The following FRK variants were observed in gnomAD, a reference collection of about 807,000 sequenced individuals.
The protein encoded by FRK is fyn related Src family tyrosine kinase, also known as tyrosine-protein kinase FRK.
In FRK, 51 loss-of-function variants were observed where a neutral mutation model predicts 56.4. That is an observed-to-expected ratio of 0.90 (90% CI 0.72 to 1.14). The LOEUF (loss-of-function observed/expected upper bound fraction) is 1.14, where lower values mean the gene tolerates loss of function less well. Ranked by LOEUF, FRK falls within the 50% of genes most tolerant of loss-of-function variation. The pLI is 0.00. For missense variants in FRK, 570 were observed against 601.4 expected (o/e 0.95, Z 0.55); for synonymous variants, 245 against 217.9 (o/e 1.12, Z -1.10).
At position 116,038,888 on chromosome 6, in the gene FRK, A is replaced by G. The variant is rs892971663; in HGVS notation, c.344+21080T>C. On this transcript the variant is annotated intron_variant, in intron 1 of 7. Coordinates refer to ENST00000606080, the MANE Select transcript of FRK (RefSeq NM_002031.3). The stretch of plus-strand genomic sequence containing the variant: ...CACTGAGGTGGTTTGCACTCTCCCC[A>G]CTGCCTATACCGACTTTGCCCCAGA... 1.2e-3 allele frequency: 667 copies of G among 577,418 alleles called. 3 individuals are homozygous for G. The highest frequency in any genetic ancestry group is 1.9e-3 in the Non-Finnish European group (543 of 293,138). 35.8% of individuals were successfully genotyped at this position (577,418 alleles called of 1,614,324 possible). A position where few individuals can be genotyped will look rare whatever the true frequency, so the allele number is the denominator to read the frequency against.
chr6:116,062,194 A>T (rs1283256860), upstream of FRK, among the ~76,000 whole-genome samples: 1 of 152,110 alleles, frequency 6.6e-6, no homozygotes, highest in African/African-American at 2.4e-5. Context: ...TACAAATAAC[A>T]AGTTGACAGA....
chr6:115,973,719 A>T (rs1229021453), intron 2 of FRK, among the ~76,000 whole-genome samples: 7 of 152,050 alleles, frequency 4.6e-5, no homozygotes, highest in Non-Finnish European at 8.8e-5. Context: ...AAAATAGAAA[A>T]AATTAGCCGG....
At chr6:116,041,689 T>C (rs947585505) in intron 1 of FRK, among the ~76,000 whole-genome samples, 22 of 152,158 alleles carry the variant, frequency 1.4e-4, no homozygotes, top group African/African-American at 5.3e-4. Flanking sequence ...TAAGGGACTA[T>C]GCCGTGAGGA....
chr6:116,011,702 C>T (rs893709017), intron 1 of FRK, among the ~76,000 whole-genome samples: 7 of 152,130 alleles, frequency 4.6e-5, no homozygotes, highest in African/African-American at 1.4e-4. Flanking sequence ...GGCAAAACAC[C>T]TTCAATTTGC....
chr6:116,100,231 C>G, the FRK span, among the ~76,000 whole-genome samples: 1 of 152,172 alleles, frequency 6.6e-6, no homozygotes, highest in Non-Finnish European at 1.5e-5. Context: ...CAAGTATCAT[C>G]TTGCAAAATG....
intron 2 of FRK, among the ~76,000 whole-genome samples, chr6:115,979,726 G>T (rs2114632949): frequency 6.6e-6 from 1 of 152,196 alleles, no homozygotes; most frequent in South Asian, 2.1e-4. Context: ...AAACCATGTT[G>T]TTACTGTGTC....
intron 1 of FRK, among the ~76,000 whole-genome samples, chr6:116,042,546 G>T (rs1776762736): frequency 6.6e-6 from 1 of 152,176 alleles, no homozygotes; most frequent in Admixed American, 6.5e-5. Context: ...GAGAGATTTT[G>T]TCATCACCAG....
intron 1 of FRK, among the ~76,000 whole-genome samples, chr6:116,022,024 T>TA (rs575465312): frequency 4.6e-5 from 7 of 151,620 alleles, no homozygotes; most frequent in Admixed American, 2.0e-4. Context: ...ATTAAATTAA[T>TA]AAAAAAAATG....
chr6:116,017,131 G>T (rs1054463671), intron 1 of FRK, among the ~76,000 whole-genome samples: 27 of 152,030 alleles, frequency 1.8e-4, no homozygotes, highest in African/African-American at 6.5e-4. Context: ...AACTGTTGTG[G>T]AAAAAGGCAG....
chr6:115,990,663 G>C (rs1207359599), intron 2 of FRK, among the ~76,000 whole-genome samples: 3 of 151,536 alleles, frequency 2.0e-5, no homozygotes, highest in Non-Finnish European at 4.4e-5. Flanking sequence ...CCATTCTGTT[G>C]TACTTATTAT....
intron 1 of FRK, among the ~76,000 whole-genome samples, chr6:116,058,594 T>C (rs1777484039): frequency 1.3e-5 from 2 of 152,118 alleles, no homozygotes; most frequent in South Asian, 4.1e-4. Context: ...ATGGTTTCCC[T>C]ATTAAGAAAC....
chr6:116,053,109 A>C (rs1346717297), intron 1 of FRK, among the ~76,000 whole-genome samples: 1 of 152,104 alleles, frequency 6.6e-6, no homozygotes, highest in East Asian at 1.9e-4. Flanking sequence ...ATTCAAATCT[A>C]GATCATCTGA....
chr6:116,076,872 T>G, the FRK span, among the ~76,000 whole-genome samples: 6 of 152,216 alleles, frequency 3.9e-5, 1 homozygote, highest in South Asian at 1.2e-3. Context: ...AATCTGAACT[T>G]GTCCAAGAAA....
the FRK span, among the ~76,000 whole-genome samples, chr6:116,067,363 CTATTTT>C: frequency 2.0e-5 from 3 of 152,004 alleles, no homozygotes; most frequent in Admixed American, 2.0e-4. Flanking sequence ...CAGCATGTCA[CTATTTT>C]TATTTTTATT....
chr6:116,078,521 T>A, the FRK span, among the ~76,000 whole-genome samples: 1 of 152,198 alleles, frequency 6.6e-6, no homozygotes, highest in Non-Finnish European at 1.5e-5. Context: ...TCAGGGGTAG[T>A]GTTAGTTGTT....
At chr6:116,067,612 AAAT>A in the FRK span, among the ~76,000 whole-genome samples, 1 of 152,208 alleles carries the variant, frequency 6.6e-6, no homozygotes, top group Non-Finnish European at 1.5e-5. Context: ...TTTATTGATA[AAAT>A]AATATCACTA....
the FRK span, among the ~76,000 whole-genome samples, chr6:116,071,571 C>T: frequency 6.6e-6 from 1 of 152,114 alleles, no homozygotes; most frequent in East Asian, 1.9e-4. Flanking sequence ...ATGACAAAAA[C>T]ACTTATCAGC....
Position 115,935,635 on chromosome 6 carries a change from C to T in FRK, c.*6779G>A, listed in dbSNP as rs1198155696. On this transcript the variant is annotated 3_prime_UTR_variant, in exon 8 of 8. Transcript: ENST00000606080. The stretch of plus-strand genomic sequence containing the variant: ...CATTGCAAGCACAGCAGTCTGAGGT[C>T]GACCTGGGACACTCGAGCTTGGAGG... 2 of 152,304 alleles carry T rather than the reference C, an allele frequency of 1.3e-5. No homozygotes were observed. The highest frequency in any genetic ancestry group is 2.9e-5 in the Non-Finnish European group (2 of 68,130). 9.4% of individuals were successfully genotyped at this position (152,304 alleles called of 1,614,324 possible). A position where few individuals can be genotyped will look rare whatever the true frequency, so the allele number is the denominator to read the frequency against.
intron 2 of FRK, among the ~76,000 whole-genome samples, chr6:115,981,468 A>T (rs973074241): frequency 6.6e-6 from 1 of 152,134 alleles, no homozygotes; most frequent in African/African-American, 2.4e-5. Flanking sequence ...TCTTGATCAA[A>T]GAAAAAAAGG....
Sources: allele counts gnomAD v4.1 joint callset (sites outside exome capture counted in the v4.1 genomes callset), GRCh38; gene constraint gnomAD v4.1.1; transcripts MANE v1.5; gene names NCBI Gene and HGNC (gene_info 2026-07-23, HGNC 2026-07-21).